Variants in CLEC16A observed in about 807,000 individuals in gnomAD.
CLEC16A encodes the protein C-type lectin domain containing 16A, also known as protein CLEC16A.
In CLEC16A, 51 loss-of-function variants were observed where a neutral mutation model predicts 109.5. The ratio of observed to expected loss-of-function variants is 0.47; its 90% confidence interval spans 0.37 to 0.59. The LOEUF (loss-of-function observed/expected upper bound fraction) is 0.59. CLEC16A is among the 20% of genes least tolerant of loss of function. CLEC16A has a pLI of 0.00. For missense variants in CLEC16A, 1,339 were observed against 1,394.0 expected (o/e 0.96, Z 0.63); for synonymous variants, 673 against 564.2 (o/e 1.19, Z -2.73).
intron 13 of CLEC16A, among the ~76,000 whole-genome samples, chr16:11,028,710 G>T (rs577833817): frequency 3.3e-5 from 5 of 152,224 alleles, no homozygotes; most frequent in Non-Finnish European, 7.4e-5. Flanking sequence ...GGATAGGTGT[G>T]AACACCACTT....
intron 9 of CLEC16A, among the ~76,000 whole-genome samples, chr16:10,982,630 G>T (rs1022014162): frequency 1.3e-5 from 2 of 152,174 alleles, no homozygotes; most frequent in Non-Finnish European, 2.9e-5. Flanking sequence ...GGACAGTCTC[G>T]CATTAATGCA....
chr16:11,172,663 T>G (rs1052817728), intron 23 of CLEC16A, among the ~76,000 whole-genome samples: 1 of 151,064 alleles, frequency 6.6e-6, no homozygotes, highest in Non-Finnish European at 1.5e-5. Context: ...CTGAGGCGGG[T>G]GGATCATGTG....
chr16:11,089,747 G>T (rs1396045093), intron 19 of CLEC16A, among the ~76,000 whole-genome samples: 1 of 152,204 alleles, frequency 6.6e-6, no homozygotes, highest in Non-Finnish European at 1.5e-5. Flanking sequence ...CCCGACTCAG[G>T]AAATGGCATC....
chr16:11,023,893 G>C (rs1282939558), intron 12 of CLEC16A, among the ~76,000 whole-genome samples: 1 of 152,238 alleles, frequency 6.6e-6, no homozygotes, highest in Admixed American at 6.5e-5. Context: ...CCTCTGGCCT[G>C]TGGGCCAGAC....
chr16:11,130,965 G>A (rs1394648382), intron 22 of CLEC16A, among the ~76,000 whole-genome samples: 1 of 152,142 alleles, frequency 6.6e-6, no homozygotes, highest in African/African-American at 2.4e-5. Flanking sequence ...TTAAAGTAGT[G>A]TATAAATCAG....
chr16:10,986,842 T>G (rs1385568918), intron 10 of CLEC16A, among the ~76,000 whole-genome samples: 1 of 152,016 alleles, frequency 6.6e-6, no homozygotes, highest in African/African-American at 2.4e-5. Flanking sequence ...TTTTGATTTT[T>G]TTTTTGGTGT....
intron 22 of CLEC16A, among the ~76,000 whole-genome samples, chr16:11,131,594 C>T (rs1444098095): frequency 6.6e-6 from 1 of 152,150 alleles, no homozygotes; most frequent in African/African-American, 2.4e-5. Flanking sequence ...ATCTCCTGGC[C>T]CTTGCAGATG....
chr16:11,160,458 A>T (rs181967506), intron 22 of CLEC16A, among the ~76,000 whole-genome samples: 1 of 152,224 alleles, frequency 6.6e-6, no homozygotes, highest in African/African-American at 2.4e-5. Context: ...GAAAGAGTTG[A>T]CCAAGTGTTT....
rs749867018 is a variant in CLEC16A at position 11,060,952 on chromosome 16, G to A, written c.2046G>A (p.Gly682=). 1.2e-6 allele frequency: 2 copies of A among 1,612,752 alleles called. No individual in the cohort carries two copies. Among genetic ancestry groups the A allele is most frequent in the African/African-American group, 1.3e-5 (1 of 74,990 alleles). ...MLRSLSLQLR[G]EPETQLPLTR... is the part of the protein sequence containing the mutation. ...GTTCCCTGTCACTGCAATTGCGAGGGGAGCCTGAGACACAGTTGCCGCTGA... is the reference window on the plus strand; with the variant it reads ...GTTCCCTGTCACTGCAATTGCGAGGAGAGCCTGAGACACAGTTGCCGCTGA... Residue 682 remains glycine, a synonymous_variant, in exon 19 of 24, where the codon GGG becomes GGA. Transcript: ENST00000409790.
chr16:11,025,492 C>T (rs989939870), intron 13 of CLEC16A, among the ~76,000 whole-genome samples: 14 of 152,258 alleles, frequency 9.2e-5, no homozygotes, highest in Middle Eastern at 3.4e-3. Context: ...GCCTTGCTGC[C>T]GACCCCTGGG....
At chr16:11,015,049 C>T (rs1048978869) in intron 11 of CLEC16A, among the ~76,000 whole-genome samples, 6 of 152,200 alleles carry the variant, frequency 3.9e-5, no homozygotes, top group Non-Finnish European at 8.8e-5. Flanking sequence ...CATAGAGCTT[C>T]AGGGAATTGG....
intron 15 of CLEC16A, 37 bp downstream of exon 15, chr16:11,042,400 G>A: frequency 1.3e-6 from 2 of 1,489,308 alleles, no homozygotes; most frequent in Middle Eastern, 2.2e-4. Context: ...TGTGGGCCAA[G>A]GGAGAGGGAC....
intron 3 of CLEC16A, 126 bp downstream of exon 3, chr16:10,962,714 C>G: frequency 9.9e-7 from 1 of 1,009,044 alleles, no homozygotes; most frequent in South Asian, 1.5e-5. Context: ...ATACCATAGA[C>G]TGAGTGGGTT....
chr16:11,094,224 G>A (rs1206392770), intron 19 of CLEC16A, among the ~76,000 whole-genome samples: 2 of 152,100 alleles, frequency 1.3e-5, no homozygotes, highest in African/African-American at 4.8e-5. Context: ...TCACCTTCAG[G>A]TGACCAAAGA....
intron 18 of CLEC16A, among the ~76,000 whole-genome samples, chr16:11,052,726 T>C (rs972788725): frequency 3.3e-5 from 5 of 152,128 alleles, no homozygotes; most frequent in African/African-American, 4.8e-5. Context: ...GACAGATGTG[T>C]ATGTGTTGCT....
chr16:10,985,192 G>C (rs1278635650), intron 10 of CLEC16A, among the ~76,000 whole-genome samples: 2 of 109,916 alleles, frequency 1.8e-5, no homozygotes, highest in African/African-American at 8.2e-5. Context: ...GACAGAGCAA[G>C]ACTCCATCTC....
At chr16:11,142,084 T>C (rs996344274) in intron 22 of CLEC16A, among the ~76,000 whole-genome samples, 1 of 152,142 alleles carries the variant, frequency 6.6e-6, no homozygotes, top group Non-Finnish European at 1.5e-5. Context: ...CAGCCCAGGT[T>C]CACAGCAGGG....
chr16:11,005,377 G>T (rs893975511), intron 11 of CLEC16A, among the ~76,000 whole-genome samples: 8 of 152,144 alleles, frequency 5.3e-5, no homozygotes, highest in African/African-American at 1.7e-4. Context: ...TGTTTTCCAG[G>T]TGGTTACTTA....
Position 10,959,931 on chromosome 16 carries a change from C to T in CLEC16A, c.209+2021C>T, listed in dbSNP as rs566558424. On this transcript the variant is annotated intron_variant, in intron 2 of 23. Transcript: ENST00000409790. ...CCCTGCCTAGAACGGACGTGTCATTCTAGGTCCCAAGATGACACCCTGTCC... is the reference window on the plus strand; with the variant it reads ...CCCTGCCTAGAACGGACGTGTCATTTTAGGTCCCAAGATGACACCCTGTCC... 8.5e-5 allele frequency among the ~76,000 whole-genome samples: 13 copies of T among 152,172 alleles called. No individual in the cohort carries two copies. In the South Asian group the frequency reaches 2.5e-3, roughly 29 times the overall value.
Sources: allele counts gnomAD v4.1 joint callset (sites outside exome capture counted in the v4.1 genomes callset), GRCh38; gene constraint gnomAD v4.1.1; transcripts MANE v1.5; gene names NCBI Gene and HGNC (gene_info 2026-07-23, HGNC 2026-07-21).